The following PLCH2 variants were observed in gnomAD, a reference collection of about 807,000 sequenced individuals.
PLCH2 encodes the protein 1-phosphatidylinositol 4,5-bisphosphate phosphodiesterase eta-2.
In PLCH2, 98 loss-of-function variants were observed where a neutral mutation model predicts 134.7. The ratio of observed to expected loss-of-function variants is 0.73; its 90% CI spans 0.62 to 0.86. PLCH2 has a LOEUF of 0.86. PLCH2 is among the 40% of genes least tolerant of loss of function. The pLI, the probability that PLCH2 is intolerant of heterozygous loss-of-function variation, is 0.00. For synonymous variants in PLCH2, 974 were observed against 827.5 expected (o/e 1.18, Z -3.04); for missense variants, 1,994 against 1,986.6 (o/e 1.00, Z -0.07).
At chr1:2,453,232 T>C (rs1220770392) in intron 2 of PLCH2, among the ~76,000 whole-genome samples, 3 of 152,072 alleles carry the variant, frequency 2.0e-5, no homozygotes, top group Non-Finnish European at 2.9e-5. Flanking sequence ...GTGCCCCCAC[T>C]GTGCTCGAGA....
At chr1:2,458,506 G>T (rs1202699106) in intron 2 of PLCH2, among the ~76,000 whole-genome samples, 1 of 152,196 alleles carries the variant, frequency 6.6e-6, no homozygotes, top group Non-Finnish European at 1.5e-5. Flanking sequence ...TGCCAGGCTG[G>T]CCCGAGTGGC....
chr1:2,467,359 C>T (rs544507275), upstream of PLCH2: 106 of 373,844 alleles, frequency 2.8e-4, no homozygotes, highest in African/African-American at 2.1e-3. Context: ...CTGCTGGGCC[C>T]GGGCTGGGCA....
At chr1:2,467,442 G>A (rs1297254597), upstream of PLCH2, 3 of 390,310 alleles carry the variant, frequency 7.7e-6, no homozygotes, top group Non-Finnish European at 1.4e-5. Flanking sequence ...CCTTCCCCTC[G>A]CCTTCCTCAC....
Position 2,504,372 on chromosome 1 carries a change from G to A in PLCH2, c.3410G>A (p.Cys1137Tyr), listed in dbSNP as rs1643415386. ...SDPLWQRLEP[C>Y]GHRDSVSSSS... ...CCGCTGTGGCAGCGGCTGGAGCCAT[G>A]TGGCCACCGAGACAGCGTTTCCTCC... Residue 1137 changes from cysteine (C) to tyrosine (Y), a missense_variant, in exon 22 of 22, where the codon TGT becomes TAT. Cys to Tyr is a radical substitution (Grantham distance 194). This residue lies in a region of PLCH2 where 900 missense variants were observed against 752.3 expected (regional missense o/e 1.20). Transcript: ENST00000378486. The A allele has an allele frequency of 1.9e-6, 3 of 1,611,740 alleles. No individual in the cohort carries two copies. Among genetic ancestry groups the A allele is most frequent in the Non-Finnish European group, 2.5e-6 (3 of 1,179,720 alleles).
At chr1:2,470,140 A>G (rs3001352) in intron 1 of PLCH2, among the ~76,000 whole-genome samples, 1,961 of 152,320 alleles carry the variant, frequency 0.013, 51 homozygotes, top group African/African-American at 0.045. Flanking sequence ...CGACCCAGGA[A>G]CACACCTCTG....
chr1:2,421,583 C>T (rs1471941595), upstream of PLCH2, among the ~76,000 whole-genome samples: 1 of 152,172 alleles, frequency 6.6e-6, no homozygotes, highest in Non-Finnish European at 1.5e-5. Flanking sequence ...CCATCTCTTC[C>T]CCACTCTGTG....
rs372629579 is a variant in PLCH2, at chr1:2,498,525, G to A, written c.2227G>A (p.Val743Met). 97 of 1,607,774 alleles carry A rather than the reference G, an allele frequency of 6.0e-5. No individual in the cohort carries two copies. Among genetic ancestry groups the A allele is most frequent in the South Asian group, 1.6e-4 (14 of 90,282 alleles). ...VLKPGCMCQG[V>M]FNPNSEDPLP... Reference sequence around the variant, plus strand: ...CCACCTCCCCGGCATCCCCTCAGGCGTGTTCAACCCCAACTCGGAGGACCC... The same window carrying A: ...CCACCTCCCCGGCATCCCCTCAGGCATGTTCAACCCCAACTCGGAGGACCC... The change falls in exon 17 of 22, where the codon GTG becomes ATG. Residue 743 changes from valine to methionine, a missense_variant and splice_region_variant. By Grantham distance (21) the Val-to-Met change is conservative. Around this residue, in one of 2 missense-constraint regions of PLCH2, gnomAD observed 1,094 missense variants for 1,234.3 expected, o/e 0.89. Coordinates refer to ENST00000378486, the MANE Select transcript of PLCH2 (RefSeq NM_014638.4). This position sits in a 1 kb window ranked among gnomAD's most constrained non-coding sequence, Gnocchi z 5.4.
chr1:2,503,910 A>ACACACCCCCCCCC lies in PLCH2; in HGVS notation c.2960-11_2960-10insACACCCCCCCCCC. On this transcript the variant is annotated splice_polypyrimidine_tract_variant and intron_variant, in intron 21 of 21. Transcript: ENST00000378486. ...CCCTCTGGCTCTCTCTCACTCCCCCACCTCCCCACAGACACCCGCCCCCTC... is the reference window on the plus strand; with the variant it reads ...CCCTCTGGCTCTCTCTCACTCCCCCACACACCCCCCCCCCCTCCCCACAGACACCCGCCCCCTC... 1 of 266,704 alleles carries ACACACCCCCCCCC rather than the reference A, an allele frequency of 3.7e-6. No homozygotes were observed. The highest frequency in any genetic ancestry group is 9.5e-5 in the East Asian group (1 of 10,572). The allele number at this position is 266,704 out of a possible 1,614,324, so 16.5% of individuals were successfully genotyped here. A position where few individuals can be genotyped will look rare whatever the true frequency, so the allele number is the denominator to read the frequency against.
chr1:2,461,621 G>A lies in PLCH2; in HGVS notation c.116-16855G>A, dbSNP rs1005917125. 1.8e-4 allele frequency among the ~76,000 whole-genome samples: 27 copies of A among 152,180 alleles called. 1 individual carries two copies. Among genetic ancestry groups the A allele is most frequent in the Admixed American group, 6.5e-5 (1 of 15,286 alleles). The stretch of plus-strand genomic sequence containing the variant: ...CCTCCAGCCCGCAACAGGGAACACT[G>A]TGGGGACAGTGACGCCCACTGGACA... On this transcript the variant is annotated intron_variant, in intron 2 of 3. Coordinates refer to the PLCH2 transcript ENST00000609981.
chr1:2,479,785 T>C lies in PLCH2; in HGVS notation c.323T>C (p.Phe108Ser). 3.2e-6 allele frequency: 5 copies of C among 1,568,576 alleles called. No homozygotes were observed. Among genetic ancestry groups the C allele is most frequent in the Non-Finnish European group, 4.3e-6 (5 of 1,157,448 alleles). ...EVSEGRQSEV[F>S]QRYPDGSFDP... is the part of the protein sequence containing the mutation. ...AGTGAGGGGCGGCAGTCGGAGGTCT[T>C]CCAGCGCTACCCTGACGGCAGCTTC... Residue 108 changes from phenylalanine (F) to serine (S), a missense_variant, in exon 3 of 22, where the codon TTC becomes TCC. Around this residue, in one of 2 missense-constraint regions of PLCH2, gnomAD observed 1,094 missense variants for 1,234.3 expected, o/e 0.89. Transcript: ENST00000378486.
At chr1:2,502,915 G>GC in intron 21 of PLCH2, 1 of 717,228 alleles carries the variant, frequency 1.4e-6, no homozygotes, top group Non-Finnish European at 2.6e-6. Flanking sequence ...CCGCCGGTAA[G>GC]CCCCTCTTGC....
In PLCH2 at chr1:2,504,361, G is replaced by A. The variant is rs746984567; in HGVS notation, c.3399G>A (p.Arg1133=). The A allele has an allele frequency of 1.2e-6, 2 of 1,610,682 alleles. No individual in the cohort carries two copies. The highest frequency in any genetic ancestry group is 4.5e-5 in the East Asian group (2 of 44,818). Residue 1133 remains arginine (R), a synonymous_variant, in exon 22 of 22, where the codon CGG becomes CGA. Coordinates refer to ENST00000378486, the MANE Select transcript of PLCH2 (RefSeq NM_014638.4). ...CGGGCAGTGACCCGCTGTGGCAGCG[G>A]CTGGAGCCATGTGGCCACCGAGACA... ...DATGSDPLWQ[R]LEPCGHRDSV...
intron 2 of PLCH2, among the ~76,000 whole-genome samples, chr1:2,436,435 TCCTCCC>T (rs1242926440): frequency 1.6e-4 from 5 of 31,198 alleles, no homozygotes; most frequent in African/African-American, 1.3e-3. Context: ...CCTTTCTCCC[TCCTCCC>T]TTCCTCCCTT....
At chr1:2,471,696 C>T (rs185086287), upstream of PLCH2, among the ~76,000 whole-genome samples, 34 of 152,298 alleles carry the variant, frequency 2.2e-4, no homozygotes, top group Non-Finnish European at 2.9e-5. Flanking sequence ...TCAGGTGGCG[C>T]GGCCGATGGA....
rs1642468371 is a variant in PLCH2, at chr1:2,489,771, C to T, written c.1419C>T (p.Leu473=). The change falls in exon 10 of 22, where the codon CTC becomes CTT. Residue 473 remains leucine (L), a synonymous_variant. Transcript: ENST00000378486. ...ACCTCCTCCCCCAGGGGAAGAAGCT[C>T]CCAGCCAACATCAGCGAGGATGCGG... ...KGKILVKGKK[L]PANISEDAEE... 1 of 1,613,402 alleles carries T rather than the reference C, an allele frequency of 6.2e-7. No homozygotes were observed. The highest frequency in any genetic ancestry group is 8.5e-7 in the Non-Finnish European group (1 of 1,179,658).
upstream of PLCH2, among the ~76,000 whole-genome samples, chr1:2,423,662 TGA>T (rs1638634047): frequency 1.3e-5 from 2 of 152,194 alleles, no homozygotes; most frequent in African/African-American, 4.8e-5. Context: ...CATTTGCTGG[TGA>T]GTCAGCTCCT....
At chr1:2,441,323 C>T (rs955347232) in intron 2 of PLCH2, among the ~76,000 whole-genome samples, 4 of 152,220 alleles carry the variant, frequency 2.6e-5, no homozygotes, top group Admixed American at 6.5e-5. Flanking sequence ...TCCAAGCAGG[C>T]GTCGCATCCG....
chr1:2,446,505 G>A (rs114688267), intron 2 of PLCH2, among the ~76,000 whole-genome samples: 2,054 of 152,308 alleles, frequency 0.013, 54 homozygotes, highest in African/African-American at 0.047. Context: ...CCCAGGAGGC[G>A]GGGCAGCTCC....
intron 8 of PLCH2, among the ~76,000 whole-genome samples, 174 bp from the exon 9 acceptor site, chr1:2,489,033 C>G (rs954310817): frequency 1.3e-5 from 2 of 152,202 alleles, no homozygotes; most frequent in Non-Finnish European, 2.9e-5. Context: ...CTTTTCAAAG[C>G]CATTGACGGG....
Sources: gnomAD v4.1 joint callset for allele counts (sites outside exome capture counted in the v4.1 genomes callset) on GRCh38, gnomAD v4.1.1 for gene constraint, gnomAD v4.1.1 regional missense constraint, Gnocchi (gnomAD v3.1) non-coding constraint, MANE v1.5 for transcripts, NCBI Gene and HGNC (gene_info 2026-07-23, HGNC 2026-07-21) for gene names.